Variants in ESR2 observed in about 807,000 individuals in gnomAD.
ESR2 encodes the protein estrogen receptor 2, also known as estrogen receptor beta.
Under a neutral mutation model 49.6 loss-of-function variants are expected in ESR2, and 36 were observed. The ratio of observed to expected loss-of-function variants is 0.73; its 90% CI spans 0.56 to 0.96. The LOEUF is 0.96. Among genes scored for constraint, ESR2 ranks in the 40% least tolerant of loss-of-function variants. ESR2 has a pLI of 0.00. For synonymous variants in ESR2, 320 were observed against 266.1 expected (o/e 1.20, Z -1.97); for missense variants, 714 against 693.0 (o/e 1.03, Z -0.34).
At position 64,231,178 on chromosome 14, in the gene ESR2, C is replaced by T. The variant is rs1177448466; in HGVS notation, c.*1959G>A. 1 of 152,336 alleles carries T rather than the reference C, an allele frequency of 6.6e-6. No homozygotes were observed. Among genetic ancestry groups the T allele is most frequent in the East Asian group, 1.9e-4 (1 of 5,180 alleles). The allele number at this position is 152,336 out of a possible 1,614,324, so 9.4% of individuals were successfully genotyped here. On this transcript the variant is annotated 3_prime_UTR_variant, in exon 9 of 9. Transcript: ENST00000341099. ...GGATTACAGGCGTGAGCCACCACATCTGGCCTTGTTTTGGTTTTTTATGTT... is the reference window on the plus strand; with the variant it reads ...GGATTACAGGCGTGAGCCACCACATTTGGCCTTGTTTTGGTTTTTTATGTT...
At position 64,282,834 on chromosome 14, in the gene ESR2, G is replaced by C; in HGVS notation, c.152C>G (p.Pro51Arg). ...GGGAATGCTGTAATTCATCACAGCA[G>C]GGCTATAGAATGTCATGGCTGGATA... ...HEYPAMTFYS[P>R]AVMNYSIPSN... The change falls in exon 2 of 9, where the codon CCT (proline) becomes CGT (arginine). Residue 51 changes from proline (P) to arginine (R), a missense_variant. Transcript: ENST00000341099. The C allele has an allele frequency of 6.2e-7, 1 of 1,614,174 alleles. No individual in the cohort carries two copies. The highest frequency in any genetic ancestry group is 8.5e-7 in the Non-Finnish European group (1 of 1,179,996).
At chr14:64,295,902 G>T (rs907229985), upstream of ESR2, among the ~76,000 whole-genome samples, 2 of 152,078 alleles carry the variant, frequency 1.3e-5, no homozygotes, top group Admixed American at 1.3e-4. Flanking sequence ...AAATTGGCTG[G>T]ACGTGGTGGC....
chr14:64,328,321 A>G (rs2140903486), intron 1 of ESR2, among the ~76,000 whole-genome samples: 1 of 152,348 alleles, frequency 6.6e-6, no homozygotes, highest in South Asian at 2.1e-4. Context: ...CAGGAGGCCA[A>G]GACAGGAGAA....
intron 1 of ESR2, among the ~76,000 whole-genome samples, chr14:64,285,826 CAAAAA>C (rs10559131): frequency 2.0e-5 from 2 of 100,800 alleles, no homozygotes; most frequent in Non-Finnish European, 4.0e-5. Flanking sequence ...GACTCTGTCT[CAAAAA>C]AAAAAAAAAA....
At chr14:64,318,876 C>G (rs1385952042) in intron 1 of ESR2, among the ~76,000 whole-genome samples, 2 of 152,052 alleles carry the variant, frequency 1.3e-5, no homozygotes, top group East Asian at 3.9e-4. Context: ...AATCCTATCT[C>G]TACAAAAAAT....
At chr14:64,261,241 T>TTC (rs1567754766) in intron 4 of ESR2, among the ~76,000 whole-genome samples, 2 of 132,684 alleles carry the variant, frequency 1.5e-5, no homozygotes, top group Non-Finnish European at 3.2e-5. Context: ...TCTTTTTTCT[T>TTC]TTTTTTTTTT....
rs1366670848 is a variant in ESR2 at position 64,283,050 on chromosome 14, CA to C, written c.-66del. The C allele has an allele frequency of 1.1e-5, 16 of 1,513,160 alleles. No homozygotes were observed. The African/African-American group carries it at 2.2e-4, about 21-fold the overall frequency. The allele number at this position is 1,513,160 out of a possible 1,614,324, so 93.7% of individuals were successfully genotyped here. On this transcript the variant is annotated 5_prime_UTR_variant, in exon 2 of 9. Transcript: ENST00000341099. ...GGCACAAAGGTCATTATAATGTTCTCAAAGATTCGTGGGCAAGTATAATGGC... is the reference window on the plus strand; with the variant it reads ...GGCACAAAGGTCATTATAATGTTCTCAAGATTCGTGGGCAAGTATAATGGC...
At chr14:64,295,198 A>ACC (rs200620441), upstream of ESR2, among the ~76,000 whole-genome samples, 668 of 148,480 alleles carry the variant, frequency 4.5e-3, 2 homozygotes, top group South Asian at 0.019. Flanking sequence ...CCATTGTGAG[A>ACC]ACCCCCCAGT....
chr14:64,233,379 C>T (rs1331715883), intron 8 of ESR2, 56 bp from the exon 9 acceptor site: 7 of 1,548,298 alleles, frequency 4.5e-6, no homozygotes, highest in East Asian at 4.5e-5. Context: ...ACAGGAACCC[C>T]GAAGCCTTCC....
At chr14:64,320,167 A>G (rs1335397056) in intron 1 of ESR2, among the ~76,000 whole-genome samples, 2 of 152,338 alleles carry the variant, frequency 1.3e-5, no homozygotes, top group East Asian at 3.9e-4. Flanking sequence ...AGACATGGAG[A>G]AAACTTTAAT....
chr14:64,254,697 G>C (rs192024629), intron 6 of ESR2, among the ~76,000 whole-genome samples: 219 of 152,154 alleles, frequency 1.4e-3, no homozygotes, highest in Non-Finnish European at 2.0e-3. Flanking sequence ...GGCGGAGATT[G>C]CAGTGAGCTG....
rs1291706028 is a variant in ESR2, at chr14:64,337,296, T to G, written c.-91+602A>C. ...TTATCCTTCAAAGTCGATTTCATCA[T>G]CTGTAAAATGGGGTTTATGCATTTC... On this transcript the variant is annotated intron_variant, in intron 1 of 8. Transcript: ENST00000358599. The G allele has an allele frequency of 1.1e-4, 16 of 152,372 alleles. No homozygotes were observed. The South Asian group carries it at 3.1e-3, about 30-fold the overall frequency. 9.4% of individuals were successfully genotyped at this position (152,372 alleles called of 1,614,324 possible).
chr14:64,280,878 T>G (rs944678541), intron 2 of ESR2, among the ~76,000 whole-genome samples: 1 of 152,126 alleles, frequency 6.6e-6, no homozygotes, highest in Non-Finnish European at 1.5e-5. Context: ...GACATGGTGG[T>G]GCACACCTGT....
rs1305451575 is a variant in ESR2 at position 64,230,216 on chromosome 14, G to GATT, written c.*2920_*2921insAAT. ...CTGTCTCAAAAAAAAAAAAAAAAAG[G>GATT]TGTCAAATCTTATTAAGTGAGGATA... is the stretch of plus-strand genomic sequence containing the variant. On this transcript the variant is annotated 3_prime_UTR_variant, in exon 9 of 9. Transcript: ENST00000341099. 1.3e-5 allele frequency among the ~76,000 whole-genome samples: 2 copies of GATT among 149,254 alleles called. No individual in the cohort carries two copies. The highest frequency in any genetic ancestry group is 3.9e-4 in the East Asian group (2 of 5,140).
intron 5 of ESR2, among the ~76,000 whole-genome samples, chr14:64,259,528 C>T (rs908783855): frequency 2.6e-5 from 4 of 152,190 alleles, no homozygotes; most frequent in Non-Finnish European, 5.9e-5. Context: ...TAGATTCACT[C>T]CTCCACAGAA....
At chr14:64,259,631 T>C (rs372536362) in intron 5 of ESR2, among the ~76,000 whole-genome samples, 15 of 152,286 alleles carry the variant, frequency 9.8e-5, no homozygotes, top group South Asian at 6.2e-4. Flanking sequence ...GTGATCACTT[T>C]GGAGGATGGA....
upstream of ESR2, among the ~76,000 whole-genome samples, chr14:64,296,746 G>A (rs2076962381): frequency 1.3e-5 from 2 of 152,220 alleles, no homozygotes. Context: ...GGAACAGCAT[G>A]TTCTCTTTTC....
chr14:64,303,728 G>C (rs1056081155), intron 1 of ESR2: 6 of 152,164 alleles, frequency 3.9e-5, no homozygotes, highest in Admixed American at 2.0e-4. Context: ...GAAATATATA[G>C]AGAGCTAATT....
chr14:64,333,788 T>C (rs2077493612), intron 1 of ESR2, among the ~76,000 whole-genome samples: 2 of 152,196 alleles, frequency 1.3e-5, no homozygotes, highest in African/African-American at 2.4e-5. Flanking sequence ...GTGGGAATTA[T>C]GGGAGCTACA....
Sources: gnomAD v4.1 joint callset for allele counts (sites outside exome capture counted in the v4.1 genomes callset) on GRCh38, gnomAD v4.1.1 for gene constraint, MANE v1.5 for transcripts, NCBI Gene and HGNC (gene_info 2026-07-23, HGNC 2026-07-21) for gene names.